Variants in SV2C observed in about 807,000 individuals in gnomAD.
The protein encoded by SV2C is synaptic vesicle glycoprotein 2C.
In SV2C, 49 loss-of-function variants were observed where a neutral mutation model predicts 79.7. The ratio of observed to expected loss-of-function variants is 0.61; its 90% confidence interval spans 0.49 to 0.78. The LOEUF is 0.78. Ranked by LOEUF, SV2C falls within the 30% of genes least tolerant of loss-of-function variation. The pLI is 0.00. For missense variants in SV2C, 833 were observed against 912.9 expected, an observed-to-expected ratio of 0.91 and a Z score of 1.13; for synonymous variants, 334 against 333.2, an observed-to-expected ratio of 1.00 and a Z score of -0.03.
intron 2 of SV2C, among the ~76,000 whole-genome samples, chr5:76,135,006 A>T (rs1314821066): frequency 1.3e-5 from 2 of 152,222 alleles, no homozygotes; most frequent in Admixed American, 6.5e-5. Flanking sequence ...CAGTAGCCAT[A>T]AGACAAGTGT....
chr5:76,169,393 C>G (rs1251820108), intron 2 of SV2C, among the ~76,000 whole-genome samples: 1 of 152,132 alleles, frequency 6.6e-6, no homozygotes, highest in Non-Finnish European at 1.5e-5. Flanking sequence ...TTCACAGGAA[C>G]CCTCTTAGTT....
rs1561229932 is a variant in SV2C, at chr5:76,132,255, G to C, written c.505G>C (p.Val169Leu). Reference sequence around the variant, plus strand: ...GGCTCTTATGGCAGACGGTGTAGAGGTGTTTGTCGTTGGCTTCGTGTTACC... The same window carrying C: ...GGCTCTTATGGCAGACGGTGTAGAGCTGTTTGTCGTTGGCTTCGTGTTACC... ...GMALMADGVE[V>L]FVVGFVLPSA... The change falls in exon 2 of 13, where the codon GTG becomes CTG. Residue 169 changes from valine to leucine, a missense_variant. Val to Leu is a conservative substitution (Grantham distance 32, BLOSUM62 1). Coordinates refer to ENST00000502798, the MANE Select transcript of SV2C (RefSeq NM_014979.4). 1 of 1,614,054 alleles carries C rather than the reference G, an allele frequency of 6.2e-7. No homozygotes were observed. Among genetic ancestry groups the C allele is most frequent in the Non-Finnish European group, 8.5e-7 (1 of 1,179,970 alleles).
the SV2C span, among the ~76,000 whole-genome samples, chr5:76,016,871 A>G: frequency 4.6e-5 from 7 of 152,322 alleles, no homozygotes; most frequent in African/African-American, 7.2e-5. Flanking sequence ...TCACTCAAAG[A>G]GGGAATCTCC....
chr5:75,934,762 A>G, the SV2C span, among the ~76,000 whole-genome samples: 1 of 152,178 alleles, frequency 6.6e-6, no homozygotes, highest in Non-Finnish European at 1.5e-5. Context: ...GTGGGGGTAC[A>G]TGATCACTGT....
At chr5:75,898,744 G>A in the SV2C span, among the ~76,000 whole-genome samples, 25 of 152,154 alleles carry the variant, frequency 1.6e-4, no homozygotes, top group Admixed American at 1.6e-3. Flanking sequence ...CACAATTTCA[G>A]ATCCTGTTAT....
chr5:75,861,144 C>G, the SV2C span, among the ~76,000 whole-genome samples: 1 of 152,198 alleles, frequency 6.6e-6, no homozygotes, highest in South Asian at 2.1e-4. Flanking sequence ...AAACAAATAA[C>G]CCCATTAAAA....
At chr5:75,909,307 C>T in the SV2C span, among the ~76,000 whole-genome samples, 1 of 152,236 alleles carries the variant, frequency 6.6e-6, no homozygotes, top group Non-Finnish European at 1.5e-5. Context: ...TATTTGGAGA[C>T]AGTACTGGCG....
chr5:75,935,772 A>G, the SV2C span, among the ~76,000 whole-genome samples: 1 of 152,168 alleles, frequency 6.6e-6, no homozygotes, highest in South Asian at 2.1e-4. Flanking sequence ...ATTAGTGTTT[A>G]CCTCTGGAGA....
chr5:76,242,101 C>T (rs964972547), intron 4 of SV2C: 97 of 1,452,870 alleles, frequency 6.7e-5, no homozygotes, highest in Non-Finnish European at 8.7e-5. Context: ...GGGTTATTTC[C>T]CTCCTTGCCA....
At chr5:76,134,394 T>C (rs1303924879) in intron 2 of SV2C, among the ~76,000 whole-genome samples, 1 of 152,206 alleles carries the variant, frequency 6.6e-6, no homozygotes, top group East Asian at 1.9e-4. Flanking sequence ...AGCATTTAAA[T>C]TGTTTTGCCA....
At chr5:76,261,050 C>T (rs1579998014) in intron 4 of SV2C, among the ~76,000 whole-genome samples, 1 of 152,112 alleles carries the variant, frequency 6.6e-6, no homozygotes, top group Non-Finnish European at 1.5e-5. Context: ...GCTATTTCCA[C>T]GATATTGATT....
intron 1 of SV2C, among the ~76,000 whole-genome samples, chr5:76,120,547 G>C (rs1257772199): frequency 8.2e-6 from 1 of 121,556 alleles, no homozygotes; most frequent in Admixed American, 1.0e-4. Context: ...TCCCCAGTGT[G>C]TGATGTTCCC....
the SV2C span, among the ~76,000 whole-genome samples, chr5:76,008,829 G>T: frequency 6.6e-6 from 1 of 152,066 alleles, no homozygotes; most frequent in African/African-American, 2.4e-5. Context: ...ATGTCCTGAG[G>T]ATGGTCCACA....
chr5:76,245,930 G>A (rs867954785), intron 4 of SV2C, among the ~76,000 whole-genome samples: 93 of 142,454 alleles, frequency 6.5e-4, no homozygotes, highest in Admixed American at 1.7e-3. Context: ...GTGTGTGTGT[G>A]TGTGTATGTG....
the SV2C span, among the ~76,000 whole-genome samples, chr5:75,880,535 C>G: frequency 3.9e-5 from 6 of 152,198 alleles, no homozygotes; most frequent in African/African-American, 1.4e-4. Flanking sequence ...CAGCCAAGTT[C>G]TTTGCTATGG....
At chr5:75,957,008 A>G in the SV2C span, among the ~76,000 whole-genome samples, 3 of 152,080 alleles carry the variant, frequency 2.0e-5, no homozygotes, top group East Asian at 5.8e-4. Context: ...GTCCAGGCCC[A>G]AGTCCATGTC....
the SV2C span, among the ~76,000 whole-genome samples, chr5:75,928,668 C>A: frequency 6.6e-6 from 1 of 152,104 alleles, no homozygotes; most frequent in African/African-American, 2.4e-5. Flanking sequence ...GGAGTAGGCA[C>A]TGAACCCTCA....
At chr5:76,224,324 C>T (rs1046806586) in intron 4 of SV2C, among the ~76,000 whole-genome samples, 5 of 152,148 alleles carry the variant, frequency 3.3e-5, no homozygotes, top group South Asian at 2.1e-4. Flanking sequence ...TTTTCCTGCA[C>T]ATTTTTATAT....
intron 2 of SV2C, among the ~76,000 whole-genome samples, chr5:76,181,041 G>A (rs1278552044): frequency 6.6e-6 from 1 of 152,122 alleles, no homozygotes; most frequent in African/African-American, 2.4e-5. Flanking sequence ...TCCCAAGTAT[G>A]TTTCTTCATT....
Sources: gnomAD v4.1 joint callset for allele counts (sites outside exome capture counted in the v4.1 genomes callset) on GRCh38, gnomAD v4.1.1 for gene constraint, MANE v1.5 for transcripts, NCBI Gene and HGNC (gene_info 2026-07-23, HGNC 2026-07-21) for gene names.